Variants in FAT3 observed in about 807,000 individuals in gnomAD.
The protein encoded by FAT3 is FAT atypical cadherin 3, also known as protocadherin Fat 3.
FAT3 carries 95 observed loss-of-function variants against 310.2 expected under a neutral mutation model. That is an observed-to-expected ratio of 0.31 (90% CI 0.26 to 0.36). The LOEUF is 0.36. FAT3 is among the 10% of genes least tolerant of loss of function. The pLI is 1.00. For missense variants in FAT3, 5,408 were observed against 5,715.6 expected (o/e 0.95, Z 1.74); for synonymous variants, 2,314 against 2,192.9 (o/e 1.06, Z -1.54).
Position 92,354,116 on chromosome 11 carries a change from C to T in FAT3, c.2004C>T (p.Asn668=), listed in dbSNP as rs1948656077. ...GENLADPMSI[N]ISVLHGKVSS... Reference sequence around the variant, plus strand: ...ATCTTGCAGACCCCATGTCTATTAACATTTCAGTCCTACATGGGAAAGTGT... The same window carrying T: ...ATCTTGCAGACCCCATGTCTATTAATATTTCAGTCCTACATGGGAAAGTGT... The change falls in exon 2 of 28, where the codon AAC becomes AAT. Residue 668 remains asparagine (N), a synonymous_variant. Transcript: ENST00000525166. 1.9e-6 allele frequency: 3 copies of T among 1,613,692 alleles called. No homozygotes were observed. Among genetic ancestry groups the T allele is most frequent in the East Asian group, 2.2e-5 (1 of 44,888 alleles).
Position 92,786,567 on chromosome 11 carries a change from A to G in FAT3, c.4336-3376A>G, listed in dbSNP as rs1014524151. Among the ~76,000 whole-genome samples the G allele has an allele frequency of 4.0e-5, 6 of 151,780 alleles. No homozygotes were observed. In the East Asian group the frequency reaches 7.7e-4, roughly 19 times the overall value. ...TATACCGAAATGCCGTTTCTCATCT[A>G]TCAGATTGGCAAAAAATCTAGAAGT... On this transcript the variant is annotated intron_variant, in intron 7 of 27. Coordinates refer to ENST00000525166, the MANE Select transcript of FAT3 (RefSeq NM_001367949.2).
At chr11:92,563,722 G>T (rs1027650429) in intron 3 of FAT3, among the ~76,000 whole-genome samples, 8 of 152,028 alleles carry the variant, frequency 5.3e-5, no homozygotes, top group Admixed American at 2.0e-4. Flanking sequence ...AAGAGAGTGG[G>T]GGCCAAAATT....
At chr11:92,699,900 T>C (rs1565522424) in intron 4 of FAT3, among the ~76,000 whole-genome samples, 1 of 152,272 alleles carries the variant, frequency 6.6e-6, no homozygotes, top group South Asian at 2.1e-4. Context: ...TATCAGAAGC[T>C]TTCTAAAGAT....
At chr11:92,531,003 G>A (rs1465653355) in intron 3 of FAT3, among the ~76,000 whole-genome samples, 1 of 151,954 alleles carries the variant, frequency 6.6e-6, no homozygotes, top group African/African-American at 2.4e-5. Flanking sequence ...GTTTCTTTCG[G>A]GATGGCAGAG....
rs1313006534 is a variant in FAT3, at chr11:92,893,116, A to T, written c.*2003A>T. On this transcript the variant is annotated 3_prime_UTR_variant, in exon 28 of 28. Transcript: ENST00000525166. ...TTTTTAGTTATTTCAATTGCGTTTA[A>T]TCCACTTCTTTTTTATGAGTCAGTG... The T allele has an allele frequency of 2.0e-5, 3 of 152,076 alleles. No individual in the cohort carries two copies. Among genetic ancestry groups the T allele is most frequent in the Admixed American group, 2.0e-4 (3 of 15,272 alleles). 9.4% of individuals were successfully genotyped at this position (152,076 alleles called of 1,614,324 possible).
chr11:92,841,382 G>C (rs1948544723), intron 18 of FAT3, among the ~76,000 whole-genome samples: 1 of 152,188 alleles, frequency 6.6e-6, no homozygotes. Context: ...TCTATCCACT[G>C]TTGCTTACAG....
At chr11:92,678,948 A>G (rs1296148237) in intron 3 of FAT3, among the ~76,000 whole-genome samples, 2 of 152,144 alleles carry the variant, frequency 1.3e-5, no homozygotes, top group Non-Finnish European at 2.9e-5. Flanking sequence ...TCATTATCCT[A>G]GCTTTCTCAT....
chr11:92,858,344 G>T (rs1049039169), intron 20 of FAT3, among the ~76,000 whole-genome samples: 7 of 152,178 alleles, frequency 4.6e-5, no homozygotes, highest in Admixed American at 4.6e-4. Context: ...CACATAGCAG[G>T]TGGATGGGTA....
intron 6 of FAT3, among the ~76,000 whole-genome samples, chr11:92,765,321 AC>A (rs1311707213): frequency 6.6e-6 from 1 of 152,152 alleles, no homozygotes; most frequent in Admixed American, 6.5e-5. Flanking sequence ...TTTCCATAGT[AC>A]GTTATTTACT....
chr11:92,226,180 C>G (rs1167798491), intron 1 of FAT3, among the ~76,000 whole-genome samples: 1 of 152,052 alleles, frequency 6.6e-6, no homozygotes, highest in East Asian at 2.0e-4. Flanking sequence ...GCGGTGAGCG[C>G]GAGGATTCCG....
At chr11:92,546,807 C>T (rs565547011) in intron 3 of FAT3, among the ~76,000 whole-genome samples, 2 of 152,288 alleles carry the variant, frequency 1.3e-5, no homozygotes, top group South Asian at 4.1e-4. Context: ...CTGCCCTGAA[C>T]AGTGGAAAGA....
chr11:92,362,234 T>C (rs1948899934), intron 2 of FAT3, among the ~76,000 whole-genome samples: 1 of 152,222 alleles, frequency 6.6e-6, no homozygotes, highest in African/African-American at 2.4e-5. Context: ...ATGTACACTT[T>C]GAATTCAGAT....
chr11:92,462,683 A>G (rs1214149338), intron 2 of FAT3, among the ~76,000 whole-genome samples: 1 of 152,168 alleles, frequency 6.6e-6, no homozygotes, highest in East Asian at 1.9e-4. Context: ...ACCAAGATTT[A>G]TTTCTTTGCT....
chr11:92,582,252 C>T (rs1443242953), intron 3 of FAT3, among the ~76,000 whole-genome samples: 1 of 151,816 alleles, frequency 6.6e-6, no homozygotes, highest in Non-Finnish European at 1.5e-5. Context: ...TATGTTGTGC[C>T]AACCTCCTAT....
chr11:92,834,515 C>T (rs1476749202), intron 14 of FAT3, among the ~76,000 whole-genome samples: 1 of 152,200 alleles, frequency 6.6e-6, no homozygotes, highest in Non-Finnish European at 1.5e-5. Context: ...TTCCTCTGTC[C>T]ACCTGAGGAA....
intron 3 of FAT3, among the ~76,000 whole-genome samples, chr11:92,617,812 G>A (rs1940884205): frequency 6.6e-6 from 1 of 152,158 alleles, no homozygotes; most frequent in Non-Finnish European, 1.5e-5. Context: ...ATTGCAGAAA[G>A]GCAAATGTTG....
intron 3 of FAT3, among the ~76,000 whole-genome samples, chr11:92,540,158 C>A (rs117933870): frequency 6.6e-6 from 1 of 152,120 alleles, no homozygotes; most frequent in Admixed American, 6.5e-5. Context: ...GTTCTCAGGA[C>A]GCCTCTTTCT....
intron 3 of FAT3, among the ~76,000 whole-genome samples, chr11:92,618,505 A>G (rs1940929724): frequency 6.6e-6 from 1 of 152,138 alleles, no homozygotes; most frequent in Admixed American, 6.5e-5. Flanking sequence ...CCCCAGTGAG[A>G]TGAACCCAGT....
chr11:92,832,988 A>C (rs1948307226), intron 14 of FAT3, among the ~76,000 whole-genome samples: 2 of 152,206 alleles, frequency 1.3e-5, no homozygotes, highest in Non-Finnish European at 2.9e-5. Context: ...AACATGTAGC[A>C]TCACCTAGGA....
Sources: allele counts gnomAD v4.1 joint callset (sites outside exome capture counted in the v4.1 genomes callset), GRCh38; gene constraint gnomAD v4.1.1; transcripts MANE v1.5; gene names NCBI Gene and HGNC (gene_info 2026-07-23, HGNC 2026-07-21).